Variants in BARD1 observed in about 807,000 individuals in gnomAD.
BARD1 encodes the protein BRCA1 associated RING domain 1.
Under a neutral mutation model 77.0 loss-of-function variants are expected in BARD1, and 73 were observed. The ratio of observed to expected loss-of-function variants is 0.95; its 90% CI spans 0.79 to 1.15. BARD1 has a LOEUF of 1.15. Among genes scored for constraint, BARD1 ranks in the 50% most tolerant of loss-of-function variants. BARD1 has a pLI of 0.00. For synonymous variants in BARD1, 384 were observed against 338.0 expected (o/e 1.14, Z -1.49); for missense variants, 993 against 938.8 (o/e 1.06, Z -0.75).
chr2:214,756,448 T>C (rs1306649811), intron 6 of BARD1, among the ~76,000 whole-genome samples: 1 of 152,206 alleles, frequency 6.6e-6, no homozygotes, highest in Non-Finnish European at 1.5e-5. Context: ...AAAGTAGAGC[T>C]ACCATTTGAT....
At chr2:214,760,002 T>C (rs1693878041) in intron 6 of BARD1, among the ~76,000 whole-genome samples, 1 of 152,196 alleles carries the variant, frequency 6.6e-6, no homozygotes, top group South Asian at 2.1e-4. Flanking sequence ...TCCATTCTTT[T>C]TCCTATGTCT....
chr2:214,796,293 AAAAAGATGTTTGAGTCTTCACCCCT>A (rs1337204390), intron 2 of BARD1, among the ~76,000 whole-genome samples: 1 of 152,178 alleles, frequency 6.6e-6, no homozygotes, highest in East Asian at 1.9e-4. Context: ...TGTGTCCCCC[AAAAAGATGTTTGAGTCTTCACCCCT>A]CAGTTACTGT....
chr2:214,736,329 A>G (rs1350160376), intron 9 of BARD1, among the ~76,000 whole-genome samples: 1 of 152,140 alleles, frequency 6.6e-6, no homozygotes, highest in Non-Finnish European at 1.5e-5. Context: ...ATCCAGTGAA[A>G]TGGTTAACTC....
chr2:214,730,899 A>G (rs1172512914), intron 9 of BARD1: 2 of 458,172 alleles, frequency 4.4e-6, no homozygotes, highest in Non-Finnish European at 8.8e-6. Context: ...ACCTAAACTG[A>G]GCACTTACCA....
intron 7 of BARD1, among the ~76,000 whole-genome samples, chr2:214,752,085 T>C (rs1013836232): frequency 1.3e-5 from 2 of 152,166 alleles, no homozygotes; most frequent in African/African-American, 4.8e-5. Flanking sequence ...CTCTACAACA[T>C]CTTCGAAACA....
Position 214,797,117 on chromosome 2 carries a change from A to G in BARD1, c.159T>C (p.Cys53=), listed in dbSNP as rs201708813. The change falls in exon 2 of 11, where the codon TGT becomes TGC. Residue 53 remains cysteine, a splice_region_variant and synonymous_variant. Coordinates refer to ENST00000260947, the MANE Select transcript of BARD1 (RefSeq NM_000465.4). ...RLEKLLRCSR[C]TNILREPVCL... ...ACACAGGCTCTCTCAGAATGTTAGTACTGTTTGAAGAAATTAAAACAATCA... is the reference window on the plus strand; with the variant it reads ...ACACAGGCTCTCTCAGAATGTTAGTGCTGTTTGAAGAAATTAAAACAATCA... 2.2e-5 allele frequency: 35 copies of G among 1,612,126 alleles called. No homozygotes were observed. The highest frequency in any genetic ancestry group is 2.7e-5 in the Non-Finnish European group (32 of 1,178,334).
In BARD1 at chr2:214,730,393, G is replaced by A. The variant is rs745780723; in HGVS notation, c.2001+18C>T. On this transcript the variant is annotated intron_variant, in intron 10 of 10. Coordinates refer to ENST00000260947, the MANE Select transcript of BARD1 (RefSeq NM_000465.4). ...TGTCATAATAAGAACAATGAAAGTTGTATTAAAAGAAAAATACCAGCTGTT... is the reference window on the plus strand; with the variant it reads ...TGTCATAATAAGAACAATGAAAGTTATATTAAAAGAAAAATACCAGCTGTT... 1 of 1,596,170 alleles carries A rather than the reference G, an allele frequency of 6.3e-7. No individual in the cohort carries two copies. Among genetic ancestry groups the A allele is most frequent in the Admixed American group, 1.7e-5 (1 of 59,984 alleles).
In BARD1 at chr2:214,781,492, G is replaced by A. The variant is rs878854011; in HGVS notation, c.382C>T (p.Pro128Ser). The A allele has an allele frequency of 6.8e-6, 11 of 1,610,306 alleles. No homozygotes were observed. The highest frequency in any genetic ancestry group is 9.3e-6 in the Non-Finnish European group (11 of 1,178,666). Reference protein sequence around the residue: ...NELSDLKEDKPRKSLFNDAGN... With the variant: ...NELSDLKEDKSRKSLFNDAGN... ...GCATCATTAAACAAACTTTTCCTAG[G>A]TTTATCTTCTTTCAAATCTGACAGA... is the stretch of plus-strand genomic sequence containing the variant. Residue 128 changes from proline to serine, a missense_variant, in exon 4 of 11, where the codon CCT (proline) becomes TCT (serine). By Grantham distance (74) the Pro-to-Ser change is moderately conservative. Transcript: ENST00000260947.
intron 6 of BARD1, among the ~76,000 whole-genome samples, chr2:214,753,341 A>G (rs1192936836): frequency 2.6e-5 from 4 of 152,226 alleles, no homozygotes; most frequent in African/African-American, 9.6e-5. Context: ...ACTTCTGTCT[A>G]CTATTCTGTT....
chr2:214,774,334 C>G (rs531386130), intron 4 of BARD1, among the ~76,000 whole-genome samples: 4 of 152,278 alleles, frequency 2.6e-5, no homozygotes, highest in African/African-American at 9.6e-5. Flanking sequence ...GAATACCCAT[C>G]TACAACAGCT....
At chr2:214,789,564 A>G (rs918078992) in intron 3 of BARD1, among the ~76,000 whole-genome samples, 3 of 152,066 alleles carry the variant, frequency 2.0e-5, no homozygotes, top group Non-Finnish European at 4.4e-5. Flanking sequence ...AAATAAATAA[A>G]TAATTTTAAT....
In BARD1 at chr2:214,727,894, A is replaced by C; in HGVS notation, c.*782T>G. The C allele has an allele frequency of 4.6e-6, 1 of 217,498 alleles. No individual in the cohort carries two copies. Among genetic ancestry groups the C allele is most frequent in the Non-Finnish European group, 9.2e-6 (1 of 108,244 alleles). 13.5% of individuals were successfully genotyped at this position (217,498 alleles called of 1,614,324 possible). A position where few individuals can be genotyped will look rare whatever the true frequency, so the allele number is the denominator to read the frequency against. On this transcript the variant is annotated 3_prime_UTR_variant, in exon 11 of 11. Transcript: ENST00000260947. ...ATTTGCTAGACTGGTCAGACCTTTTAAAAAATACTAACATTAAAATGTGTT... is the reference window on the plus strand; with the variant it reads ...ATTTGCTAGACTGGTCAGACCTTTTCAAAAATACTAACATTAAAATGTGTT...
chr2:214,780,336 A>G (rs990275190), intron 4 of BARD1, among the ~76,000 whole-genome samples: 1 of 152,158 alleles, frequency 6.6e-6, no homozygotes, highest in African/African-American at 2.4e-5. Flanking sequence ...ATATTCAAAT[A>G]TTGGTTTTCT....
intron 3 of BARD1, among the ~76,000 whole-genome samples, chr2:214,783,379 G>A (rs1431721994): frequency 2.0e-5 from 3 of 152,124 alleles, no homozygotes; most frequent in Admixed American, 1.3e-4. Flanking sequence ...ATACTATGCA[G>A]CCATAAAAAA....
rs864622380 is a variant in BARD1 at position 214,728,953 on chromosome 2, T to C, written c.2057A>G (p.His686Arg). 6.2e-7 allele frequency: 1 copy of C among 1,614,066 alleles called. No homozygotes were observed. The highest frequency in any genetic ancestry group is 1.7e-5 in the Admixed American group (1 of 59,992). Reference sequence around the variant, plus strand: ...GAGCTTAATAAGGTTGTCCTTTGGATGGTGTTTGAAGGTTCCCCACAAATA... The same window carrying C: ...GAGCTTAATAAGGTTGTCCTTTGGACGGTGTTTGAAGGTTCCCCACAAATA... ...YFYLWGTFKH[H>R]PKDNLIKLVT... The change falls in exon 11 of 11, where the codon CAT (histidine) becomes CGT (arginine). Residue 686 changes from histidine (H) to arginine (R), a missense_variant. Physicochemically the swap from His to Arg is conservative, Grantham distance 29 (BLOSUM62 0). Coordinates refer to ENST00000260947, the MANE Select transcript of BARD1 (RefSeq NM_000465.4).
At chr2:214,809,348 T>A in intron 1 of BARD1, 64 bp downstream of exon 1, 2 of 1,597,448 alleles carry the variant, frequency 1.3e-6, no homozygotes, top group Non-Finnish European at 1.7e-6. Flanking sequence ...GAAAAGATTC[T>A]GCCGCCCCCA....
intron 4 of BARD1, among the ~76,000 whole-genome samples, chr2:214,777,845 G>C (rs1694801507): frequency 6.6e-6 from 1 of 152,154 alleles, no homozygotes; most frequent in Admixed American, 6.5e-5. Flanking sequence ...TGTACACATA[G>C]ATTTATTCAT....
At chr2:214,808,568 A>T (rs1008579664) in intron 1 of BARD1, among the ~76,000 whole-genome samples, 7 of 152,260 alleles carry the variant, frequency 4.6e-5, no homozygotes, top group Non-Finnish European at 8.8e-5. Context: ...CTTCATACAG[A>T]AATACTTAGC....
intron 7 of BARD1, among the ~76,000 whole-genome samples, chr2:214,747,244 T>G (rs1013542290): frequency 1.3e-5 from 2 of 152,096 alleles, no homozygotes; most frequent in Admixed American, 1.3e-4. Flanking sequence ...AGGAACACTT[T>G]TACACTGTTA....
Sources: gnomAD v4.1 joint callset for allele counts (sites outside exome capture counted in the v4.1 genomes callset) on GRCh38, gnomAD v4.1.1 for gene constraint, MANE v1.5 for transcripts, NCBI Gene and HGNC (gene_info 2026-07-23, HGNC 2026-07-21) for gene names.